Variants in ADGRB3 observed in about 807,000 individuals in gnomAD.
ADGRB3 encodes the protein adhesion G protein-coupled receptor B3.
A neutral mutation model predicts 193.4 loss-of-function variants in ADGRB3; 37 were observed. That is an observed-to-expected ratio of 0.19 (90% confidence interval 0.15 to 0.25). ADGRB3 has a LOEUF of 0.25. Among genes scored for constraint, ADGRB3 ranks in the 10% least tolerant of loss-of-function variants. ADGRB3 has a pLI of 1.00. For missense variants in ADGRB3, 1,637 were observed against 1,852.9 expected, an observed-to-expected ratio of 0.88 and a Z score of 2.14; for synonymous variants, 690 against 644.2, an observed-to-expected ratio of 1.07 and a Z score of -1.08.
At chr6:69,063,120 A>G (rs1397835639) in intron 16 of ADGRB3, 84 bp downstream of exon 16, 9 of 1,012,708 alleles carry the variant, frequency 8.9e-6, no homozygotes, top group African/African-American at 4.8e-5. Flanking sequence ...ACCAGAATAC[A>G]TTTTCTAGAC....
intron 3 of ADGRB3, among the ~76,000 whole-genome samples, chr6:68,858,256 G>A (rs1257166542): frequency 6.6e-6 from 1 of 152,144 alleles, no homozygotes; most frequent in African/African-American, 2.4e-5. Flanking sequence ...TGTAATCCCA[G>A]CACTTTGGGA....
chr6:69,013,911 T>G (rs1245129914), intron 11 of ADGRB3, 127 bp from the exon 12 acceptor site: 1 of 529,546 alleles, frequency 1.9e-6, no homozygotes, highest in Non-Finnish European at 3.3e-6. Flanking sequence ...TAGAATACTA[T>G]GTTAGGGTCA....
At chr6:69,295,946 G>A (rs1285483735) in intron 20 of ADGRB3, among the ~76,000 whole-genome samples, 1 of 152,080 alleles carries the variant, frequency 6.6e-6, no homozygotes, top group Non-Finnish European at 1.5e-5. Context: ...CTATGAATCA[G>A]GAAATCTTGT....
intron 11 of ADGRB3, among the ~76,000 whole-genome samples, chr6:69,003,998 C>G (rs1345538912): frequency 6.6e-6 from 1 of 152,156 alleles, no homozygotes; most frequent in Non-Finnish European, 1.5e-5. Context: ...TACAATAAAA[C>G]ATGAGACTGC....
chr6:68,758,951 C>A (rs1766345763), intron 3 of ADGRB3, among the ~76,000 whole-genome samples: 1 of 152,126 alleles, frequency 6.6e-6, no homozygotes, highest in Admixed American at 6.6e-5. Context: ...TTTTATACAT[C>A]CATGCATACA....
At position 68,943,656 on chromosome 6, in the gene ADGRB3, G is replaced by A. The variant is rs878923277; in HGVS notation, c.1031-174G>A. Among the ~76,000 whole-genome samples, 10 of 152,126 alleles carry A rather than the reference G, an allele frequency of 6.6e-5. No individual in the cohort carries two copies. The East Asian group carries it at 7.7e-4, about 12-fold the overall frequency. ...ACATGCAATTTTTCATTATTTTAAC[G>A]AATTTTTAAATTAATAATTGTATTT... is the stretch of plus-strand genomic sequence containing the variant. On this transcript the variant is annotated intron_variant, in intron 5 of 31. Transcript: ENST00000370598.
rs549989878 is a variant in ADGRB3, at chr6:68,854,545, T to G, written c.758-76014T>G. On this transcript the variant is annotated intron_variant, in intron 3 of 31. Coordinates refer to ENST00000370598, the MANE Select transcript of ADGRB3 (RefSeq NM_001704.3). ...TTTTAAAAATCTAAAAAATTTTTTT[T>G]TGGAAAAAAGCTTGTCTTTTTTTTG... Among the ~76,000 whole-genome samples, 21 of 147,948 alleles carry G rather than the reference T, an allele frequency of 1.4e-4. 1 individual carries two copies. In the South Asian group the frequency reaches 3.9e-3, roughly 28 times the overall value.
At position 68,978,511 on chromosome 6, in the gene ADGRB3, A is replaced by G. The variant is rs142640312; in HGVS notation, c.1734+3171A>G. 8.8e-3 allele frequency among the ~76,000 whole-genome samples: 1,341 copies of G among 151,718 alleles called. 26 individuals carry two copies. Among genetic ancestry groups the G allele is most frequent in the African/African-American group, 0.031 (1,280 of 41,518 alleles). ...AGCATGATCTTTTTACATGTTCAGT[A>G]AAGTATAGAATGAATGAATGTATGC... On this transcript the variant is annotated intron_variant, in intron 10 of 31. Coordinates refer to ENST00000370598, the MANE Select transcript of ADGRB3 (RefSeq NM_001704.3).
intron 20 of ADGRB3, among the ~76,000 whole-genome samples, chr6:69,285,079 C>T (rs569957757): frequency 2.0e-5 from 3 of 152,156 alleles, no homozygotes; most frequent in Admixed American, 6.5e-5. Context: ...TAGAATATAT[C>T]GGTTCCTACT....
At chr6:68,971,274 T>C (rs1282666728) in intron 8 of ADGRB3, among the ~76,000 whole-genome samples, 1 of 152,180 alleles carries the variant, frequency 6.6e-6, no homozygotes, top group Non-Finnish European at 1.5e-5. Flanking sequence ...AGCATTTACA[T>C]TGAGTTAAAT....
chr6:69,104,763 T>C (rs896719848), intron 17 of ADGRB3, among the ~76,000 whole-genome samples: 2 of 152,248 alleles, frequency 1.3e-5, no homozygotes, highest in Admixed American at 1.3e-4. Context: ...TCATATTTCA[T>C]GGTAATACAT....
At chr6:68,807,487 G>A (rs144914323) in intron 3 of ADGRB3, among the ~76,000 whole-genome samples, 3,525 of 151,622 alleles carry the variant, frequency 0.023, 68 homozygotes, top group South Asian at 0.077. Context: ...TGATTTCCCC[G>A]CCTCAGCCTC....
intron 25 of ADGRB3, 95 bp downstream of exon 25, chr6:69,339,109 A>G: frequency 2.3e-6 from 3 of 1,319,512 alleles, no homozygotes; most frequent in South Asian, 2.5e-5. Flanking sequence ...TTCTAATACA[A>G]GACCAGAGAG....
chr6:69,005,666 G>T (rs1294230900), intron 11 of ADGRB3, among the ~76,000 whole-genome samples: 1 of 152,046 alleles, frequency 6.6e-6, no homozygotes, highest in Non-Finnish European at 1.5e-5. Context: ...CATTCCTTTT[G>T]GTCTGGCAGG....
In ADGRB3 at chr6:69,157,699, GTA is replaced by G. The variant is rs1491136146; in HGVS notation, c.2481-75590_2481-75589del. Among the ~76,000 whole-genome samples the G allele has an allele frequency of 1.8e-3, 238 of 134,536 alleles. 1 individual carries two copies. The highest frequency in any genetic ancestry group is 6.0e-3 in the African/African-American group (222 of 37,212). The allele number at this position is 134,536 out of a possible 152,430, so 88.3% of individuals were successfully genotyped here. A position where few individuals can be genotyped will look rare whatever the true frequency, so the allele number is the denominator to read the frequency against. Reference sequence around the variant, plus strand: ...TTGCCATTGAAAGTAATATCTCTCTGTAAAAAAAAAAAAAAGGAATACTCCTG... The same window carrying G: ...TTGCCATTGAAAGTAATATCTCTCTGAAAAAAAAAAAAAGGAATACTCCTG... On this transcript the variant is annotated intron_variant, in intron 17 of 31. Coordinates refer to ENST00000370598, the MANE Select transcript of ADGRB3 (RefSeq NM_001704.3).
Position 68,969,390 on chromosome 6 carries a change from CTG to C in ADGRB3, c.1526-5368_1526-5367del, listed in dbSNP as rs1768489935. Among the ~76,000 whole-genome samples, 5 of 152,202 alleles carry C rather than the reference CTG, an allele frequency of 3.3e-5. No homozygotes were observed. The South Asian group carries it at 1.0e-3, about 31-fold the overall frequency. On this transcript the variant is annotated intron_variant, in intron 8 of 31. Coordinates refer to ENST00000370598, the MANE Select transcript of ADGRB3 (RefSeq NM_001704.3). The stretch of plus-strand genomic sequence containing the variant: ...GATCAAAAATATTCAGGAAAATTAA[CTG>C]TGTGGCTGCTGCATAGGAGAGTAAA...
chr6:69,191,677 G>A (rs947563474), intron 17 of ADGRB3, among the ~76,000 whole-genome samples: 1 of 152,120 alleles, frequency 6.6e-6, no homozygotes, highest in Non-Finnish European at 1.5e-5. Flanking sequence ...CCACTCAACA[G>A]ATATTTGTTG....
chr6:68,659,554 G>A (rs1307756416), intron 3 of ADGRB3, among the ~76,000 whole-genome samples: 2 of 150,490 alleles, frequency 1.3e-5, no homozygotes, highest in Non-Finnish European at 3.0e-5. Flanking sequence ...ATTTTTTAAT[G>A]TAATTTGTAA....
In ADGRB3 at chr6:69,232,720, G is replaced by A. The variant is rs113223131; in HGVS notation, c.2481-570G>A. 19 of 1,187,712 alleles carry A rather than the reference G, an allele frequency of 1.6e-5. No homozygotes were observed. The African/African-American group carries it at 1.7e-4, about 11-fold the overall frequency. The allele number at this position is 1,187,712 out of a possible 1,614,324, so 73.6% of individuals were successfully genotyped here. A position where few individuals can be genotyped will look rare whatever the true frequency, so the allele number is the denominator to read the frequency against. On this transcript the variant is annotated intron_variant, in intron 17 of 31. Transcript: ENST00000370598. ...GCTGCTGCTGCTTCCCGTTTCCAGGGTGAAATTTTCACAGCAGCTATTCTA... is the reference window on the plus strand; with the variant it reads ...GCTGCTGCTGCTTCCCGTTTCCAGGATGAAATTTTCACAGCAGCTATTCTA...
Sources: gnomAD v4.1 joint callset for allele counts (sites outside exome capture counted in the v4.1 genomes callset) on GRCh38, gnomAD v4.1.1 for gene constraint, MANE v1.5 for transcripts, NCBI Gene and HGNC (gene_info 2026-07-23, HGNC 2026-07-21) for gene names.